DYTN: variants seen among roughly 807,000 people sequenced by gnomAD.
DYTN encodes the protein dystrotelin.
In DYTN, 75 loss-of-function variants were observed where a neutral mutation model predicts 69.6. That is an observed-to-expected ratio of 1.08 (90% CI 0.89 to 1.31). DYTN has a LOEUF of 1.31. Among genes scored for constraint, DYTN ranks in the 50% most tolerant of loss-of-function variants. DYTN has a pLI of 0.00. For synonymous variants in DYTN, 252 were observed against 249.1 expected (o/e 1.01, Z -0.11); for missense variants, 726 against 688.4 (o/e 1.05, Z -0.61).
At chr2:206,718,139 T>A (rs1700145664) in intron 1 of DYTN, 122 bp downstream of exon 1, 1 of 1,028,266 alleles carries the variant, frequency 9.7e-7, no homozygotes, top group Non-Finnish European at 1.3e-6. Flanking sequence ...TAACAGTTTC[T>A]TTTTCAGCCA....
At chr2:206,671,336 G>A (rs929148432) in intron 9 of DYTN, among the ~76,000 whole-genome samples, 2 of 152,168 alleles carry the variant, frequency 1.3e-5, no homozygotes, top group African/African-American at 4.8e-5. Flanking sequence ...AAGGGCAGTA[G>A]CAGGAAGAAG....
At chr2:206,705,246 G>A (rs1700014133) in intron 4 of DYTN, among the ~76,000 whole-genome samples, 1 of 152,172 alleles carries the variant, frequency 6.6e-6, no homozygotes, top group South Asian at 2.1e-4. Flanking sequence ...ACAGGCGTGT[G>A]CCACCACACC....
At chr2:206,661,080 T>A (rs896061528) in intron 11 of DYTN, among the ~76,000 whole-genome samples, 1 of 152,074 alleles carries the variant, frequency 6.6e-6, no homozygotes, top group African/African-American at 2.4e-5. Context: ...AATTTGGACA[T>A]AGACATAGAC....
chr2:206,655,913 A>C (rs1699442558), intron 11 of DYTN, among the ~76,000 whole-genome samples: 1 of 152,212 alleles, frequency 6.6e-6, no homozygotes, highest in African/African-American at 2.4e-5. Flanking sequence ...CATATGATCT[A>C]TCCCAGAAAA....
At chr2:206,670,623 T>C (rs1333217046) in intron 9 of DYTN, 1 of 152,110 alleles carries the variant, frequency 6.6e-6, no homozygotes, top group Non-Finnish European at 1.5e-5. Context: ...ATCCTAAAAA[T>C]CCATATAAGA....
intron 11 of DYTN, among the ~76,000 whole-genome samples, chr2:206,652,211 T>TA (rs1394843272): frequency 6.6e-6 from 1 of 152,188 alleles, no homozygotes; most frequent in Admixed American, 6.5e-5. Flanking sequence ...CTGTTGTATA[T>TA]AAAAATCACC....
intron 2 of DYTN, among the ~76,000 whole-genome samples, chr2:206,709,947 A>G (rs1208175186): frequency 6.6e-6 from 1 of 152,186 alleles, no homozygotes; most frequent in Non-Finnish European, 1.5e-5. Context: ...GTAGGAGAAA[A>G]GAAAAGAAAA....
At chr2:206,699,630 T>G in intron 7 of DYTN, 97 bp downstream of exon 7, 1 of 1,411,108 alleles carries the variant, frequency 7.1e-7, no homozygotes, top group Non-Finnish European at 9.4e-7. Flanking sequence ...ATTTCAGATG[T>G]GTAAGGAGGA....
chr2:206,683,346 T>C (rs867801866), intron 9 of DYTN, among the ~76,000 whole-genome samples: 2,802 of 100,744 alleles, frequency 0.028, 95 homozygotes, highest in African/African-American at 0.11. Flanking sequence ...TTTCTTTTTT[T>C]TTTTTTTTTT....
chr2:206,668,718 G>A (rs1699599768), intron 9 of DYTN, among the ~76,000 whole-genome samples: 1 of 152,154 alleles, frequency 6.6e-6, no homozygotes. Context: ...TGGTTTGGCT[G>A]TGTCCCCACC....
At chr2:206,712,581 G>C (rs916207447) in intron 1 of DYTN, among the ~76,000 whole-genome samples, 15 of 152,224 alleles carry the variant, frequency 9.9e-5, no homozygotes, top group African/African-American at 3.4e-4. Context: ...GAGGAGCCAG[G>C]AGAGACAGAG....
intron 9 of DYTN, among the ~76,000 whole-genome samples, chr2:206,672,260 A>G (rs1407914953): frequency 6.6e-6 from 1 of 152,202 alleles, no homozygotes; most frequent in Non-Finnish European, 1.5e-5. Context: ...TATGTTATAT[A>G]CCTAAGATAG....
At chr2:206,692,096 T>C (rs772046095) in intron 9 of DYTN, among the ~76,000 whole-genome samples, 2 of 151,936 alleles carry the variant, frequency 1.3e-5, no homozygotes, top group South Asian at 4.2e-4. Flanking sequence ...AGTAACATAG[T>C]GAGACCCCCA....
At chr2:206,680,106 A>G (rs1167772856) in intron 9 of DYTN, among the ~76,000 whole-genome samples, 1 of 152,222 alleles carries the variant, frequency 6.6e-6, no homozygotes, top group Non-Finnish European at 1.5e-5. Context: ...GGTAATTTAT[A>G]AAGAAAAAGA....
At chr2:206,654,438 C>T (rs558038444) in intron 11 of DYTN, among the ~76,000 whole-genome samples, 1 of 152,188 alleles carries the variant, frequency 6.6e-6, no homozygotes, top group South Asian at 2.1e-4. Context: ...CCCTTAATAA[C>T]ATTTTCTTTT....
chr2:206,662,343 ATATG>A (rs1315706653), intron 11 of DYTN, among the ~76,000 whole-genome samples: 1 of 152,226 alleles, frequency 6.6e-6, no homozygotes, highest in African/African-American at 2.4e-5. Context: ...CTCTCTCTAC[ATATG>A]TAAAGATAAC....
At chr2:206,662,871 A>G in intron 11 of DYTN, 32 bp downstream of exon 11, 1 of 1,577,342 alleles carries the variant, frequency 6.3e-7, no homozygotes, top group Non-Finnish European at 8.6e-7. Context: ...ATCCTTGGCC[A>G]TCACGATGTC....
Position 206,699,862 on chromosome 2 carries a change from T to A in DYTN, c.584A>T (p.Lys195Ile). The A allele has an allele frequency of 6.2e-7, 1 of 1,613,418 alleles. No individual in the cohort carries two copies. Among genetic ancestry groups the A allele is most frequent in the Non-Finnish European group, 8.5e-7 (1 of 1,179,710 alleles). Residue 195 changes from lysine to isoleucine, a missense_variant, in exon 7 of 12, where the codon AAA (lysine) becomes ATA (isoleucine). By Grantham distance (102) the Lys-to-Ile change is moderately radical. Coordinates refer to ENST00000452335, the MANE Select transcript of DYTN (RefSeq NM_001093730.1). Reference sequence around the variant, plus strand: ...CTCAGATTGGACCCAAGACAGGAATTTTTCTTCTTTGATTGCTGGGCTCAA... The same window carrying A: ...CTCAGATTGGACCCAAGACAGGAATATTTCTTCTTTGATTGCTGGGCTCAA... The part of the protein sequence containing the change: ...GVLSPAIKEE[K>I]FLSWVQSEPP...
chr2:206,712,779 A>G (rs1037874010), intron 1 of DYTN, among the ~76,000 whole-genome samples: 2 of 152,246 alleles, frequency 1.3e-5, no homozygotes, highest in Non-Finnish European at 2.9e-5. Flanking sequence ...CCATGGGGGC[A>G]TGTGGCCCAG....
Sources: allele counts gnomAD v4.1 joint callset (sites outside exome capture counted in the v4.1 genomes callset), GRCh38; gene constraint gnomAD v4.1.1; transcripts MANE v1.5; gene names NCBI Gene and HGNC (gene_info 2026-07-23, HGNC 2026-07-21).